The following DMD variants were observed in gnomAD, a reference collection of about 807,000 sequenced individuals.
DMD encodes mutant dystrophin.
A neutral mutation model predicts 330.1 loss-of-function variants in DMD; 63 were observed. The ratio of observed to expected loss-of-function variants is 0.19; its 90% CI spans 0.16 to 0.24. The LOEUF is 0.24. Ranked by LOEUF, DMD falls within the 10% of genes least tolerant of loss-of-function variation. The probability of loss-of-function intolerance (pLI) is 1.00; values close to 1 mark genes in which losing one functional copy is unlikely to be tolerated. For synonymous variants in DMD, 1,223 were observed against 959.8 expected, an observed-to-expected ratio of 1.27 and a Z score of -5.07; for missense variants, 3,344 against 2,684.1, an observed-to-expected ratio of 1.25 and a Z score of -5.43.
In DMD at chrX:31,764,454, T is replaced by C. The variant is rs781284553; in HGVS notation, c.7542+9506A>G. On this transcript the variant is annotated intron_variant, in intron 51 of 78. Coordinates refer to ENST00000357033, the MANE Select transcript of DMD (RefSeq NM_004006.3). ...AACATGACAGAAAGCTTAGCCTCAATGAAGTTGCTACAGGTTATTTTCCCT... is the reference window on the plus strand; with the variant it reads ...AACATGACAGAAAGCTTAGCCTCAACGAAGTTGCTACAGGTTATTTTCCCT... Among the ~76,000 whole-genome samples the C allele has an allele frequency of 2.7e-5, 3 of 111,695 alleles. No individual in the cohort carries two copies. The South Asian group carries it at 1.1e-3, about 42-fold the overall frequency.
intron 1 of DMD, among the ~76,000 whole-genome samples, chrX:33,069,208 T>C (rs980779463): frequency 2.3e-4 from 26 of 111,282 alleles, no homozygotes; most frequent in African/African-American, 8.2e-4. Context: ...TCTATTTCTA[T>C]AGCTTCTTGT....
chrX:31,435,442 G>A (rs2064446383), intron 60 of DMD: 2 of 111,341 alleles, frequency 1.8e-5, no homozygotes, highest in South Asian at 3.8e-4. Flanking sequence ...TAAGGGAGAG[G>A]ACAACTTATA....
At chrX:31,937,293 AT>A (rs1307340926) in intron 45 of DMD, among the ~76,000 whole-genome samples, 1 of 111,331 alleles carries the variant, frequency 9.0e-6, no homozygotes, top group Non-Finnish European at 1.9e-5. Context: ...CTTGCATATG[AT>A]TTTATGGATA....
At chrX:32,506,319 C>A (rs1436639999) in intron 18 of DMD, among the ~76,000 whole-genome samples, 1 of 107,052 alleles carries the variant, frequency 9.3e-6, no homozygotes, top group Non-Finnish European at 1.9e-5. Flanking sequence ...TTCAATTGTG[C>A]TGTGAACCTA....
At chrX:31,386,768 C>T (rs759560321) in intron 60 of DMD, among the ~76,000 whole-genome samples, 13 of 112,059 alleles carry the variant, frequency 1.2e-4, no homozygotes, top group Non-Finnish European at 2.1e-4. Context: ...TCTTTGGTTT[C>T]AATCTATCAA....
At chrX:32,074,099 T>G (rs1272531326) in intron 44 of DMD, among the ~76,000 whole-genome samples, 1 of 111,078 alleles carries the variant, frequency 9.0e-6, no homozygotes, top group Non-Finnish European at 1.9e-5. Context: ...AAAAAAATAA[T>G]CAACCATATA....
At chrX:32,420,264 G>A (rs190335476) in intron 29 of DMD, among the ~76,000 whole-genome samples, 53 of 111,898 alleles carry the variant, frequency 4.7e-4, no homozygotes, top group African/African-American at 1.7e-3. Context: ...GCTGTCTCCT[G>A]ATATGGAATA....
chrX:32,633,206 G>A lies in DMD; in HGVS notation c.1331+10926C>T, dbSNP rs781420221. 3.6e-5 allele frequency among the ~76,000 whole-genome samples: 4 copies of A among 111,523 alleles called. No homozygotes were observed. In the South Asian group the frequency reaches 1.1e-3, roughly 31 times the overall value. ...AGGTTGTTAGAAGTGGCCACACAAC[G>A]TCTTGAACATTTTGCTGCTTAGAAA... On this transcript the variant is annotated intron_variant, in intron 11 of 78. Coordinates refer to ENST00000357033, the MANE Select transcript of DMD (RefSeq NM_004006.3).
Position 32,087,406 on chromosome X carries a change from A to G in DMD, c.6439-118892T>C, listed in dbSNP as rs193198443. Among the ~76,000 whole-genome samples, 11 of 111,847 alleles carry G rather than the reference A, an allele frequency of 9.8e-5. No homozygotes were observed. The East Asian group carries it at 3.1e-3, about 31-fold the overall frequency. The stretch of plus-strand genomic sequence containing the variant: ...CTTATTAAGTTAGTTATTAGCCTAT[A>G]ATTCAAGATCTTTGAGTATCATTAA... On this transcript the variant is annotated intron_variant, in intron 44 of 78. Coordinates refer to ENST00000357033, the MANE Select transcript of DMD (RefSeq NM_004006.3).
At chrX:33,020,336 T>C in intron 1 of DMD, 136 bp from the exon 2 acceptor site, 1 of 474,100 alleles carries the variant, frequency 2.1e-6, no homozygotes, top group South Asian at 3.2e-5. Flanking sequence ...ATAAATGGAA[T>C]TAAACATGAG....
At chrX:32,335,787 A>G (rs2097707478) in intron 41 of DMD, among the ~76,000 whole-genome samples, 1 of 101,636 alleles carries the variant, frequency 9.8e-6, no homozygotes, top group African/African-American at 3.5e-5. Flanking sequence ...TATATGTATA[A>G]CATGTTATAT....
At chrX:32,131,078 G>A (rs958111559) in intron 44 of DMD, among the ~76,000 whole-genome samples, 1 of 110,711 alleles carries the variant, frequency 9.0e-6, no homozygotes, top group African/African-American at 3.3e-5. Context: ...CCAGCTACTC[G>A]GTAGGCTGAG....
At chrX:31,803,605 T>C in intron 50 of DMD, among the ~76,000 whole-genome samples, 1 of 100,785 alleles carries the variant, frequency 9.9e-6, no homozygotes, top group Non-Finnish European at 2.0e-5. Flanking sequence ...CCTTTTCTTT[T>C]CTTTCCCTCC....
intron 54 of DMD, among the ~76,000 whole-genome samples, chrX:31,645,724 T>C (rs2080052819): frequency 8.9e-6 from 1 of 111,987 alleles, no homozygotes; most frequent in East Asian, 2.8e-4. Flanking sequence ...TCTTGAGAAA[T>C]TGTTTTCATG....
chrX:31,145,993 A>G (rs931094088), intron 76 of DMD, among the ~76,000 whole-genome samples: 6 of 112,385 alleles, frequency 5.3e-5, no homozygotes, highest in African/African-American at 1.9e-4. Flanking sequence ...GAATAGTCTC[A>G]CAGTCCTCTC....
intron 51 of DMD, among the ~76,000 whole-genome samples, chrX:31,754,889 G>T (rs1046798591): frequency 6.3e-5 from 7 of 111,712 alleles, no homozygotes; most frequent in African/African-American, 2.3e-4. Flanking sequence ...TTAGTTGTGG[G>T]CTTTGTGTTT....
intron 21 of DMD, among the ~76,000 whole-genome samples, chrX:32,474,901 T>A (rs2041066375): frequency 8.9e-6 from 1 of 111,745 alleles, no homozygotes; most frequent in Admixed American, 9.5e-5. Flanking sequence ...TACATTTGCT[T>A]TTGGGTTCCT....
At chrX:32,198,339 A>C (rs2097016332) in intron 44 of DMD, among the ~76,000 whole-genome samples, 1 of 111,885 alleles carries the variant, frequency 8.9e-6, no homozygotes, top group South Asian at 3.7e-4. Flanking sequence ...TGTGTTTCAA[A>C]ATAATGGTAG....
chrX:32,560,417 A>T (rs184120907), intron 16 of DMD, among the ~76,000 whole-genome samples: 4 of 111,151 alleles, frequency 3.6e-5, no homozygotes, highest in Non-Finnish European at 7.5e-5. Flanking sequence ...TTAAAATATT[A>T]ATTATAATAA....
Sources: allele counts gnomAD v4.1 joint callset (sites outside exome capture counted in the v4.1 genomes callset), GRCh38; gene constraint gnomAD v4.1.1; transcripts MANE v1.5; gene names NCBI Gene and HGNC (gene_info 2026-07-23, HGNC 2026-07-21).